The following PCDHA5 variants were observed in gnomAD, a reference collection of about 807,000 sequenced individuals.
PCDHA5 encodes the protein protocadherin alpha 5.
PCDHA5 carries 43 observed loss-of-function variants against 61.6 expected under a neutral mutation model. That is an observed-to-expected ratio of 0.70 (90% confidence interval 0.55 to 0.90). The LOEUF (loss-of-function observed/expected upper bound fraction) is 0.90. Among genes scored for constraint, PCDHA5 ranks in the 40% least tolerant of loss-of-function variants. The pLI is 0.00. For missense variants in PCDHA5, 1,298 were observed against 1,222.7 expected (o/e 1.06, Z -0.92); for synonymous variants, 627 against 543.9 (o/e 1.15, Z -2.13).
At position 140,849,922 on chromosome 5, in the gene PCDHA5, C is replaced by A. The variant is rs140735832; in HGVS notation, c.2352+25795C>A. The stretch of plus-strand genomic sequence containing the variant: ...AACCCGCCGGGCTGCCACATCTTCA[C>A]GGTGTCTGCGCGGGACGCTGACGCG... On this transcript the variant is annotated intron_variant, in intron 1 of 3. Transcript: ENST00000529859. 10 of 1,598,214 alleles carry A rather than the reference C, an allele frequency of 6.3e-6. 1 individual carries two copies. In the South Asian group the frequency reaches 9.9e-5, roughly 16 times the overall value.
At chr5:140,851,730 T>G in intron 1 of PCDHA5, 1 of 971,134 alleles carries the variant, frequency 1.0e-6, no homozygotes, top group Non-Finnish European at 1.2e-6. Context: ...TTCGAGTTCT[T>G]TTGAAATTCA....
chr5:140,873,518 A>G (rs2054336624), intron 1 of PCDHA5, among the ~76,000 whole-genome samples: 1 of 152,200 alleles, frequency 6.6e-6, no homozygotes, highest in Non-Finnish European at 1.5e-5. Context: ...CTTAATGCCA[A>G]GATTGCATTC....
At chr5:140,932,491 T>C (rs1041440008) in intron 1 of PCDHA5, among the ~76,000 whole-genome samples, 11 of 151,918 alleles carry the variant, frequency 7.2e-5, no homozygotes, top group Non-Finnish European at 1.6e-4. Flanking sequence ...CTCTTTGCAA[T>C]GTCATTTGTT....
chr5:140,848,458 G>A lies in PCDHA5; in HGVS notation c.2352+24331G>A, dbSNP rs2150410846. 52 of 1,529,436 alleles carry A rather than the reference G, an allele frequency of 3.4e-5. 3 individuals are homozygous for A. The South Asian group carries it at 5.9e-4, about 17-fold the overall frequency. The allele number at this position is 1,529,436 out of a possible 1,614,324, so 94.7% of individuals were successfully genotyped here. ...TCAGATGATTTCTTCTAATTTGGAG[G>A]CAATTTTCACTAATTAGAAGAAGAC... On this transcript the variant is annotated intron_variant, in intron 1 of 3. Transcript: ENST00000529859.
chr5:140,954,433 T>C (rs1554221415), intron 1 of PCDHA5, among the ~76,000 whole-genome samples: 2 of 151,820 alleles, frequency 1.3e-5, no homozygotes, highest in African/African-American at 4.8e-5. Flanking sequence ...TCTCCATCTG[T>C]TGTTTCTGGA....
intron 1 of PCDHA5, among the ~76,000 whole-genome samples, chr5:140,970,633 A>G (rs2096420540): frequency 6.6e-6 from 1 of 152,210 alleles, no homozygotes; most frequent in Admixed American, 6.5e-5. Context: ...AAAATTTTGT[A>G]CCATAAATAG....
intron 1 of PCDHA5, chr5:140,824,450 T>C (rs1768125809): frequency 2.2e-6 from 1 of 452,052 alleles, no homozygotes; most frequent in African/African-American, 2.0e-5. Context: ...TATGACTACA[T>C]GAAAATTTAT....
intron 1 of PCDHA5, among the ~76,000 whole-genome samples, chr5:140,838,757 T>C (rs2150292205): frequency 1.3e-5 from 2 of 151,922 alleles, no homozygotes; most frequent in African/African-American, 2.4e-5. Context: ...GCATCTTTTG[T>C]AGAGACTTTG....
intron 1 of PCDHA5, chr5:140,870,354 G>T: frequency 6.2e-7 from 1 of 1,614,226 alleles, no homozygotes; most frequent in Non-Finnish European, 8.5e-7. Context: ...GCGAGAACGT[G>T]TGGGCCTATG....
Position 140,823,145 on chromosome 5 carries a change from C to T in PCDHA5, c.1370C>T (p.Pro457Leu). 7 of 1,614,012 alleles carry T rather than the reference C, an allele frequency of 4.3e-6. No individual in the cohort carries two copies. The highest frequency in any genetic ancestry group is 5.1e-6 in the Non-Finnish European group (6 of 1,179,954). ...GACAACGCTCCGGCGTTCGCGCAGC[C>T]CCAGTATACCGTGTTCGTGAAGGAG... The part of the protein sequence containing the change: ...VNDNAPAFAQ[P>L]QYTVFVKENN... The change falls in exon 1 of 4, where the codon CCC becomes CTC. Residue 457 changes from proline to leucine, a missense_variant. Pro to Leu is a moderately conservative substitution (Grantham distance 98). Coordinates refer to ENST00000529859, the MANE Select transcript of PCDHA5 (RefSeq NM_018908.3).
chr5:140,956,497 A>G (rs2095288493), intron 1 of PCDHA5, among the ~76,000 whole-genome samples: 2 of 152,190 alleles, frequency 1.3e-5, no homozygotes, highest in Admixed American at 1.3e-4. Flanking sequence ...CCAGGGATGA[A>G]GCCTACTTGA....
chr5:140,884,192 G>A, intron 1 of PCDHA5: 1 of 1,613,428 alleles, frequency 6.2e-7, no homozygotes, highest in Non-Finnish European at 8.5e-7. Context: ...CGAGGTGGAC[G>A]CGCCGCACCA....
intron 1 of PCDHA5, chr5:140,850,555 C>A (rs1562471328): frequency 6.3e-7 from 1 of 1,598,250 alleles, no homozygotes; most frequent in Non-Finnish European, 8.6e-7. Flanking sequence ...GTGGGTGCCA[C>A]GGGCCCCGAG....
intron 1 of PCDHA5, among the ~76,000 whole-genome samples, chr5:140,908,325 T>C (rs189387427): frequency 6.6e-6 from 1 of 152,172 alleles, no homozygotes; most frequent in African/African-American, 2.4e-5. Flanking sequence ...GTGGAGACCA[T>C]GGGAATTTGA....
chr5:140,952,923 C>T (rs1554220692), intron 1 of PCDHA5, among the ~76,000 whole-genome samples: 1 of 151,990 alleles, frequency 6.6e-6, no homozygotes, highest in East Asian at 1.9e-4. Context: ...ATGGCATGAG[C>T]AGGAGCAGGA....
rs2150236646 is a variant in PCDHA5 at position 140,835,485 on chromosome 5, G to T, written c.2352+11358G>T. On this transcript the variant is annotated intron_variant, in intron 1 of 3. Transcript: ENST00000529859. ...TCCAGAGGACGCCCAACCAGGTACC[G>T]TCATCACATTGATTAGCGTGTTTGA... The T allele has an allele frequency of 3.8e-5, 62 of 1,613,778 alleles. 1 individual carries two copies. Among genetic ancestry groups the T allele is most frequent in the South Asian group, 9.9e-5 (9 of 91,074 alleles).
chr5:140,835,529 C>T (rs2150237591), intron 1 of PCDHA5: 1 of 1,613,966 alleles, frequency 6.2e-7, no homozygotes, highest in East Asian at 2.2e-5. Context: ...TTGGAGTCAA[C>T]GGACAGGTTA....
intron 1 of PCDHA5, among the ~76,000 whole-genome samples, chr5:140,895,055 A>G (rs1313066261): frequency 6.6e-6 from 1 of 152,118 alleles, no homozygotes; most frequent in East Asian, 1.9e-4. Context: ...ATTCTGCTTC[A>G]TATGGACTCA....
intron 1 of PCDHA5, chr5:140,876,605 A>G: frequency 1.2e-6 from 2 of 1,614,060 alleles, no homozygotes; most frequent in South Asian, 1.1e-5. Flanking sequence ...TCGGATCGTG[A>G]CTCTGGAGCC....
Sources: allele counts gnomAD v4.1 joint callset (sites outside exome capture counted in the v4.1 genomes callset), GRCh38; gene constraint gnomAD v4.1.1; transcripts MANE v1.5; gene names NCBI Gene and HGNC (gene_info 2026-07-23, HGNC 2026-07-21).